Variants in CAPRIN1 observed in about 807,000 individuals in gnomAD.
CAPRIN1 encodes cell cycle associated protein 1.
CAPRIN1 carries 29 observed loss-of-function variants against 100.9 expected under a neutral mutation model. The observed-to-expected ratio is 0.29, with a 90% CI of 0.21 to 0.39. CAPRIN1 has a LOEUF of 0.39. CAPRIN1 is among the 10% of genes least tolerant of loss of function. CAPRIN1 has a pLI of 1.00. For synonymous variants in CAPRIN1, 338 were observed against 307.5 expected (o/e 1.10, Z -1.04); for missense variants, 795 against 876.7 (o/e 0.91, Z 1.18).
At chr11:34,067,495 T>G (rs984673904) in intron 2 of CAPRIN1, among the ~76,000 whole-genome samples, 2 of 152,022 alleles carry the variant, frequency 1.3e-5, no homozygotes, top group African/African-American at 2.4e-5. Flanking sequence ...CACAGTTGTT[T>G]TTTTTTTTTA....
intron 2 of CAPRIN1, among the ~76,000 whole-genome samples, chr11:34,058,784 G>T (rs1270516148): frequency 1.3e-5 from 2 of 152,100 alleles, no homozygotes; most frequent in African/African-American, 4.8e-5. Context: ...TTTATGTTTA[G>T]CTTCCTATGT....
intron 2 of CAPRIN1, among the ~76,000 whole-genome samples, chr11:34,060,395 A>G (rs556158990): frequency 2.3e-4 from 35 of 152,232 alleles, no homozygotes; most frequent in African/African-American, 7.7e-4. Flanking sequence ...GCTGGAGTTC[A>G]GCAGGGCAAT....
rs748305931 is a variant in CAPRIN1 at position 34,086,387 on chromosome 11, A to G, written c.1205A>G (p.Asp402Gly). The G allele has an allele frequency of 2.5e-6, 4 of 1,613,190 alleles. No homozygotes were observed. The highest frequency in any genetic ancestry group is 3.4e-6 in the Non-Finnish European group (4 of 1,179,470). ...CCTATGAATCCAACACAAAACATGGACATGCCCCAGCTGGTTTGCCCTCCA... is the reference window on the plus strand; with the variant it reads ...CCTATGAATCCAACACAAAACATGGGCATGCCCCAGCTGGTTTGCCCTCCA... ...AQPMNPTQNM[D>G]MPQLVCPPVH... The change falls in exon 11 of 19, where the codon GAC becomes GGC. Residue 402 changes from aspartate (D) to glycine (G), a missense_variant. Asp to Gly is a moderately conservative substitution (Grantham distance 94). Transcript: ENST00000341394.
In CAPRIN1 at chr11:34,052,588, G is replaced by T. The variant is rs1367957098; in HGVS notation, c.168G>T (p.Gln56His). ...TGAVQTEAMKQILGVIDKKLR... is the reference protein window; with the variant it reads ...TGAVQTEAMKHILGVIDKKLR... ...CTGTCCAGACCGAGGCCATGAAGCA[G>T]ATTCTCGGGGTGATCGACAAGAAAC... The change falls in exon 2 of 19, where the codon CAG (glutamine) becomes CAT (histidine). Residue 56 changes from glutamine to histidine, a missense_variant. Physicochemically the swap from Gln to His is conservative, Grantham distance 24 (BLOSUM62 0). Around this residue, in one of 3 missense-constraint regions of CAPRIN1, gnomAD observed 109 missense variants for 86.6 expected, o/e 1.26. Transcript: ENST00000341394. 6.2e-7 allele frequency: 1 copy of T among 1,611,302 alleles called. No individual in the cohort carries two copies. The highest frequency in any genetic ancestry group is 8.5e-7 in the Non-Finnish European group (1 of 1,179,190).
intron 13 of CAPRIN1, 29 bp downstream of exon 13, chr11:34,090,318 T>C (rs1438651318): frequency 6.9e-7 from 1 of 1,439,420 alleles, no homozygotes; most frequent in Admixed American, 1.7e-5. Flanking sequence ...TCACATACAT[T>C]TGATGAGGCA....
At chr11:34,077,315 A>G (rs1350164466) in intron 6 of CAPRIN1, among the ~76,000 whole-genome samples, 1 of 152,162 alleles carries the variant, frequency 6.6e-6, no homozygotes, top group Admixed American at 6.5e-5. Flanking sequence ...TGTTTGTTTT[A>G]TGGCTGAAGT....
At chr11:34,058,575 A>G (rs909851910) in intron 2 of CAPRIN1, among the ~76,000 whole-genome samples, 7 of 152,242 alleles carry the variant, frequency 4.6e-5, no homozygotes, top group Non-Finnish European at 1.0e-4. Flanking sequence ...AAAAAACTGA[A>G]TGCAAAAGAA....
chr11:34,087,694 C>A (rs1467563340), intron 11 of CAPRIN1, among the ~76,000 whole-genome samples: 1 of 152,132 alleles, frequency 6.6e-6, no homozygotes, highest in African/African-American at 2.4e-5. Context: ...AGAGAGCAAT[C>A]ATGGTTTTTA....
At chr11:34,075,889 G>C in intron 4 of CAPRIN1, among the ~76,000 whole-genome samples, 1 of 152,144 alleles carries the variant, frequency 6.6e-6, no homozygotes, top group East Asian at 1.9e-4. Context: ...TACCCAGCTT[G>C]TATATTTATC....
rs1851064581 is a variant in CAPRIN1, at chr11:34,083,055, G to GTATTGCAAA, written c.966+15_966+23dup. On this transcript the variant is annotated intron_variant, in intron 9 of 18. Coordinates refer to ENST00000341394, the MANE Select transcript of CAPRIN1 (RefSeq NM_005898.5). ...GAAACGGTTGAGGTAAGAGTTCTCT[G>GTATTGCAAA]TATTGCAAAGTTGTTGTCTTTGTCT... 6.4e-7 allele frequency: 1 copy of GTATTGCAAA among 1,573,738 alleles called. No homozygotes were observed. The highest frequency in any genetic ancestry group is 2.2e-5 in the East Asian group (1 of 44,702).
chr11:34,055,097 G>A (rs369823564), intron 2 of CAPRIN1, among the ~76,000 whole-genome samples: 1 of 152,108 alleles, frequency 6.6e-6, no homozygotes, highest in Non-Finnish European at 1.5e-5. Context: ...CATTAAATGT[G>A]TATAGGTGTA....
chr11:34,080,280 T>A (rs185233727), intron 7 of CAPRIN1, among the ~76,000 whole-genome samples: 1 of 152,314 alleles, frequency 6.6e-6, no homozygotes, highest in East Asian at 1.9e-4. Context: ...TCATTATATT[T>A]GTCTTAGTAG....
At chr11:34,070,759 A>G (rs369820779) in intron 2 of CAPRIN1, among the ~76,000 whole-genome samples, 1 of 151,440 alleles carries the variant, frequency 6.6e-6, no homozygotes, top group Non-Finnish European at 1.5e-5. Flanking sequence ...CTGGAGTGCA[A>G]TGGTGCGATC....
chr11:34,077,557 T>C (rs1461630512), intron 6 of CAPRIN1, among the ~76,000 whole-genome samples: 1 of 152,188 alleles, frequency 6.6e-6, no homozygotes, highest in Non-Finnish European at 1.5e-5. Flanking sequence ...GTATAGGAAT[T>C]TACGTTTTTA....
At chr11:34,096,372 A>T in intron 15 of CAPRIN1, 107 bp from the exon 16 acceptor site, 1 of 712,960 alleles carries the variant, frequency 1.4e-6, no homozygotes, top group Non-Finnish European at 2.3e-6. Flanking sequence ...TTTAAGGATT[A>T]AACTTTAAGG....
At chr11:34,093,094 C>T (rs966492204) in intron 15 of CAPRIN1, among the ~76,000 whole-genome samples, 7 of 151,318 alleles carry the variant, frequency 4.6e-5, no homozygotes, top group Non-Finnish European at 7.4e-5. Flanking sequence ...ATCTCCAACT[C>T]CTTGCCTTGA....
intron 6 of CAPRIN1, among the ~76,000 whole-genome samples, chr11:34,079,010 G>A (rs147947433): frequency 4.9e-3 from 511 of 103,530 alleles, no homozygotes; most frequent in Non-Finnish European, 7.6e-3. Context: ...TGTTTTCCCA[G>A]TGCCTAGCAT....
chr11:34,068,891 G>C (rs1343083668), intron 2 of CAPRIN1, among the ~76,000 whole-genome samples: 1 of 152,130 alleles, frequency 6.6e-6, no homozygotes, highest in Admixed American at 6.5e-5. Context: ...TACCCCATGA[G>C]GGATGTATGG....
chr11:34,093,890 T>G (rs1020666695), intron 15 of CAPRIN1, among the ~76,000 whole-genome samples: 3 of 133,846 alleles, frequency 2.2e-5, no homozygotes, highest in African/African-American at 8.8e-5. Flanking sequence ...CTCTTTAATC[T>G]CAGGGCCTTC....
Sources: allele counts gnomAD v4.1 joint callset (sites outside exome capture counted in the v4.1 genomes callset), GRCh38; gene constraint gnomAD v4.1.1; regional missense constraint gnomAD v4.1.1; transcripts MANE v1.5; gene names NCBI Gene and HGNC (gene_info 2026-07-23, HGNC 2026-07-21).